Variants in FAM107A observed in about 807,000 individuals in gnomAD.
FAM107A encodes family with sequence similarity 107 member A.
A neutral mutation model predicts 13.7 loss-of-function variants in FAM107A; 19 were observed. That is an observed-to-expected ratio of 1.38 (90% CI 0.97 to 2.03). The LOEUF is 2.03. Among genes scored for constraint, FAM107A ranks in the 30% most tolerant of loss-of-function variants. The probability of loss-of-function intolerance (pLI) is 0.00; values close to 1 mark genes in which losing one functional copy is unlikely to be tolerated. For missense variants in FAM107A, 203 were observed against 184.4 expected (o/e 1.10, Z -0.58); for synonymous variants, 82 against 74.5 (o/e 1.10, Z -0.52).
At chr3:58,625,413 A>G (rs984349272) in intron 1 of FAM107A, among the ~76,000 whole-genome samples, 1 of 152,160 alleles carries the variant, frequency 6.6e-6, no homozygotes, top group Non-Finnish European at 1.5e-5. Context: ...GAGATCACCA[A>G]TCATGGAGCG....
intron 1 of FAM107A, chr3:58,572,639 G>C (rs1456204539): frequency 6.6e-6 from 1 of 151,654 alleles, no homozygotes; most frequent in African/African-American, 2.4e-5. Flanking sequence ...GTTATAAAAA[G>C]GTTATTCTCG....
rs149501374 is a variant in FAM107A, at chr3:58,603,853, C to A, written c.-69-14584G>T. Among the ~76,000 whole-genome samples the A allele has an allele frequency of 3.0e-4, 45 of 152,288 alleles. 1 individual carries two copies. The highest frequency in any genetic ancestry group is 1.1e-3 in the African/African-American group (45 of 41,554). On this transcript the variant is annotated intron_variant, in intron 1 of 3. Transcript: ENST00000465970. ...GGGATGTAGGTGGAGGAGCACCAAC[C>A]TCCTGCTTTTTACAGATGGGGCTCA...
upstream of FAM107A, among the ~76,000 whole-genome samples, chr3:58,592,106 A>G (rs2065658770): frequency 6.6e-6 from 1 of 152,132 alleles, no homozygotes; most frequent in Non-Finnish European, 1.5e-5. Flanking sequence ...TAGAAGAGGG[A>G]GAGTGTTCGT....
intron 1 of FAM107A, among the ~76,000 whole-genome samples, chr3:58,585,495 T>G (rs2065595972): frequency 6.6e-6 from 1 of 152,264 alleles, no homozygotes; most frequent in Admixed American, 6.5e-5. Context: ...AGGCGGGGCT[T>G]AAGCGGGAAG....
rs755089230 is a variant in FAM107A at position 58,567,228 on chromosome 3, G to A, written c.307C>T (p.Arg103Trp). 18 of 1,614,058 alleles carry A rather than the reference G, an allele frequency of 1.1e-5. No individual in the cohort carries two copies. Among genetic ancestry groups the A allele is most frequent in the East Asian group, 1.1e-4 (5 of 44,890 alleles). The change falls in exon 3 of 4, where the codon CGG (arginine) becomes TGG (tryptophan). Residue 103 changes from arginine to tryptophan, a missense_variant. By Grantham distance (101) the Arg-to-Trp change is moderately radical (BLOSUM62 -3). Transcript: ENST00000360997. ...QCPFEQELLR[R>W]QQRLNQLEKP... ...CCCACCTGGTTCAGCCTCTGCTGCC[G>A]TCTCAGCAGCTCCTGCTCAAAGGGG...
upstream of FAM107A, chr3:58,577,590 A>T: frequency 1.0e-6 from 1 of 985,430 alleles, no homozygotes; most frequent in East Asian, 1.1e-4. The surrounding 1 kb of genome is among the most constrained non-coding windows in gnomAD (Gnocchi z 4.9). Context: ...CACGCTTGAG[A>T]GGCACAAATA....
chr3:58,587,992 T>A (rs1201992922), upstream of FAM107A, among the ~76,000 whole-genome samples: 1 of 152,080 alleles, frequency 6.6e-6, no homozygotes, highest in Admixed American at 6.5e-5. Context: ...CTGGGATACA[T>A]GAACGCAGGT....
Position 58,594,545 on chromosome 3 carries a change from T to A in FAM107A, c.-69-5276A>T, listed in dbSNP as rs138470076. On this transcript the variant is annotated intron_variant, in intron 1 of 3. Coordinates refer to the FAM107A transcript ENST00000465970. ...CAGTTTTGCCTTACACAAGGTCTCT[T>A]CTTCCTCTGTGGCTTCTCCACCTAT... Among the ~76,000 whole-genome samples, 39 of 152,350 alleles carry A rather than the reference T, an allele frequency of 2.6e-4. No homozygotes were observed. In the East Asian group the frequency reaches 7.3e-3, roughly 29 times the overall value.
intron 1 of FAM107A, among the ~76,000 whole-genome samples, chr3:58,597,501 C>G (rs191849588): frequency 6.6e-6 from 1 of 152,256 alleles, no homozygotes; most frequent in East Asian, 1.9e-4. Context: ...TGTCTCTAGA[C>G]GTCTTTATTT....
chr3:58,570,583 CAGAGAGAGAGAGAGAGAGAGAGAGAGAG>C (rs371909507), intron 1 of FAM107A, among the ~76,000 whole-genome samples: 226 of 91,086 alleles, frequency 2.5e-3, no homozygotes, highest in African/African-American at 8.1e-3. Context: ...GCAAATACAG[CAGAGAGAGAGAGAGAGAGAGAGAGAGAG>C]AGAGAGAGAG....
intron 1 of FAM107A, chr3:58,626,963 G>C: frequency 6.5e-7 from 1 of 1,535,930 alleles, no homozygotes; most frequent in Non-Finnish European, 8.7e-7. Flanking sequence ...ACACTTAGAG[G>C]TTCCTACCTT....
At position 58,566,653 on chromosome 3, in the gene FAM107A, A is replaced by G. The variant is rs200403828; in HGVS notation, c.370T>C (p.Phe124Leu). ...PEKEEDHAPE[F>L]IKVRENLRRI... is the part of the protein sequence containing the mutation. Reference sequence around the variant, plus strand: ...CGCAGGTTTTCCCTGACTTTAATAAACTCGGGGGCGTGATCCTCTTCCTTC... The same window carrying G: ...CGCAGGTTTTCCCTGACTTTAATAAGCTCGGGGGCGTGATCCTCTTCCTTC... The change falls in exon 4 of 4, where the codon TTT becomes CTT. Residue 124 changes from phenylalanine to leucine, a missense_variant. Physicochemically the swap from Phe to Leu is conservative, Grantham distance 22 (BLOSUM62 0). Coordinates refer to ENST00000360997, the MANE Select transcript of FAM107A (RefSeq NM_001076778.3). 2.5e-6 allele frequency: 4 copies of G among 1,613,542 alleles called. No homozygotes were observed. In the East Asian group the frequency reaches 8.9e-5, roughly 36 times the overall value.
At position 58,569,027 on chromosome 3, in the gene FAM107A, C is replaced by T. The variant is rs1273312126; in HGVS notation, c.170+664G>A. Among the ~76,000 whole-genome samples, 1 of 152,202 alleles carries T rather than the reference C, an allele frequency of 6.6e-6. No homozygotes were observed. The highest frequency in any genetic ancestry group is 1.5e-5 in the Non-Finnish European group (1 of 68,026). ...TTGTGAGCTCCCCCATCCCACCTCA[C>T]CAGACGGGCCCACCACACCTTGTGC... On this transcript the variant is annotated intron_variant, in intron 2 of 3. Coordinates refer to ENST00000360997, the MANE Select transcript of FAM107A (RefSeq NM_001076778.3). This position sits in a 1 kb window ranked among gnomAD's most constrained non-coding sequence, Gnocchi z 5.7.
chr3:58,592,515 C>T (rs866373459), intron 1 of FAM107A, among the ~76,000 whole-genome samples: 6 of 152,200 alleles, frequency 3.9e-5, no homozygotes, highest in African/African-American at 7.2e-5. Context: ...AAGGCCACCG[C>T]GGTCATTTCT....
chr3:58,598,996 C>G (rs1033634934), intron 1 of FAM107A, among the ~76,000 whole-genome samples: 1 of 151,978 alleles, frequency 6.6e-6, no homozygotes, highest in Non-Finnish European at 1.5e-5. Context: ...GGCTGGAGTG[C>G]GATGCTGGGA....
chr3:58,611,578 T>C (rs541379692), intron 1 of FAM107A, among the ~76,000 whole-genome samples: 1 of 152,322 alleles, frequency 6.6e-6, no homozygotes, highest in East Asian at 1.9e-4. Context: ...AAATGCTGCT[T>C]CAGGGATTGC....
intron 1 of FAM107A, among the ~76,000 whole-genome samples, chr3:58,620,586 G>T (rs545185986): frequency 6.6e-6 from 1 of 152,342 alleles, no homozygotes; most frequent in East Asian, 1.9e-4. Flanking sequence ...GAAAGTTTTA[G>T]TCTTGGAAGA....
At chr3:58,610,610 A>C (rs2065844394) in intron 1 of FAM107A, among the ~76,000 whole-genome samples, 1 of 152,214 alleles carries the variant, frequency 6.6e-6, no homozygotes, top group South Asian at 2.1e-4. Context: ...AGATGAAATG[A>C]GATAACTGAA....
At chr3:58,568,703 A>C (rs72876121) in intron 2 of FAM107A, among the ~76,000 whole-genome samples, 1 of 152,206 alleles carries the variant, frequency 6.6e-6, no homozygotes, top group South Asian at 2.1e-4. Context: ...TATTGGTCAC[A>C]CAACTGAAAA....
Sources: gnomAD v4.1 joint callset for allele counts (sites outside exome capture counted in the v4.1 genomes callset) on GRCh38, gnomAD v4.1.1 for gene constraint, Gnocchi (gnomAD v3.1) non-coding constraint, MANE v1.5 for transcripts, NCBI Gene and HGNC (gene_info 2026-07-23, HGNC 2026-07-21) for gene names.